The following PTPN6 variants were observed in gnomAD, a reference collection of about 807,000 sequenced individuals.
The protein encoded by PTPN6 is tyrosine-protein phosphatase non-receptor type 6.
A neutral mutation model predicts 81.5 loss-of-function variants in PTPN6; 18 were observed. The observed-to-expected ratio is 0.22, with a 90% CI of 0.15 to 0.33. The LOEUF is 0.33. Among genes scored for constraint, PTPN6 ranks in the 10% least tolerant of loss-of-function variants. The pLI is 1.00. For missense variants in PTPN6, 500 were observed against 794.2 expected (o/e 0.63, Z 4.45); for synonymous variants, 301 against 310.9 (o/e 0.97, Z 0.33).
Position 6,955,114 on chromosome 12 carries a change from T to A in PTPN6, c.517-37T>A. ...AGGCTGGGGACCCAGGGAGGGAGAC[T>A]CAAGTCCTGTGAATGGCCTAATTTG... On this transcript the variant is annotated intron_variant, in intron 4 of 15. Transcript: ENST00000318974. The surrounding 1 kb of genome is among the most constrained non-coding windows in gnomAD (Gnocchi z 7.2). 1 of 1,611,294 alleles carries A rather than the reference T, an allele frequency of 6.2e-7. No individual in the cohort carries two copies. The highest frequency in any genetic ancestry group is 8.5e-7 in the Non-Finnish European group (1 of 1,177,466).
Position 6,951,601 on chromosome 12 carries a change from C to A in PTPN6, c.9-8C>A. ...ACCCCTCCTCACTGCCCTGCCTGGG[C>A]CGCCCAGGTGGTTTCACCGAGACCT... On this transcript the variant is annotated splice_region_variant and splice_polypyrimidine_tract_variant and intron_variant, in intron 1 of 15. Transcript: ENST00000318974. The surrounding 1 kb of genome is among the most constrained non-coding windows in gnomAD (Gnocchi z 7.2). 1.2e-6 allele frequency: 2 copies of A among 1,613,994 alleles called. No individual in the cohort carries two copies. Among genetic ancestry groups the A allele is most frequent in the Admixed American group, 3.3e-5 (2 of 60,020 alleles).
In PTPN6 at chr12:6,956,396, C is replaced by T. The variant is rs782161089; in HGVS notation, c.925-23C>T. 8.1e-6 allele frequency: 13 copies of T among 1,614,114 alleles called. No individual in the cohort carries two copies. The highest frequency in any genetic ancestry group is 5.3e-5 in the African/African-American group (4 of 75,058). ...CCAAGGGGCTCACTGTCTTGGGGTG[C>T]GTCTCTCCACGCTTGCGTCCAGAAC... On this transcript the variant is annotated intron_variant, in intron 8 of 15. Coordinates refer to ENST00000318974, the MANE Select transcript of PTPN6 (RefSeq NM_002831.6). The surrounding 1 kb of genome is among the most constrained non-coding windows in gnomAD (Gnocchi z 4.1).
rs1248646737 is a variant in PTPN6 at position 6,955,139 on chromosome 12, G to T, written c.517-12G>T. On this transcript the variant is annotated splice_polypyrimidine_tract_variant and intron_variant, in intron 4 of 15. Coordinates refer to ENST00000318974, the MANE Select transcript of PTPN6 (RefSeq NM_002831.6). This position sits in a 1 kb window ranked among gnomAD's most constrained non-coding sequence, Gnocchi z 7.2. ...TCAAGTCCTGTGAATGGCCTAATTTGGCTCCCCCCAGGGTGGACGCTACAC... is the reference window on the plus strand; with the variant it reads ...TCAAGTCCTGTGAATGGCCTAATTTTGCTCCCCCCAGGGTGGACGCTACAC... 1 of 1,613,756 alleles carries T rather than the reference G, an allele frequency of 6.2e-7. No individual in the cohort carries two copies. Among genetic ancestry groups the T allele is most frequent in the Non-Finnish European group, 8.5e-7 (1 of 1,179,626 alleles).
At chr12:6,950,619 A>T (rs1945907930), upstream of PTPN6, among the ~76,000 whole-genome samples, 1 of 152,120 alleles carries the variant, frequency 6.6e-6, no homozygotes, top group South Asian at 2.1e-4. Flanking sequence ...GACAAACTGC[A>T]TATGTTGGTT....
At position 6,957,629 on chromosome 12, in the gene PTPN6, T is replaced by TCCCC; in HGVS notation, c.1075-24_1075-21dup. ...CCACAGTGCCCTGCTCTGTGCCTCA[T>TCCCC]CCCCACCCGACCCTCCCTTTCCAGA... On this transcript the variant is annotated intron_variant, in intron 9 of 15. Coordinates refer to ENST00000318974, the MANE Select transcript of PTPN6 (RefSeq NM_002831.6). This position sits in a 1 kb window ranked among gnomAD's most constrained non-coding sequence, Gnocchi z 6.5. 13 of 1,521,462 alleles carry TCCCC rather than the reference T, an allele frequency of 8.5e-6. No homozygotes were observed. Among genetic ancestry groups the TCCCC allele is most frequent in the Non-Finnish European group, 1.2e-5 (13 of 1,105,634 alleles). 94.2% of individuals were successfully genotyped at this position (1,521,462 alleles called of 1,614,324 possible).
At position 6,957,471 on chromosome 12, in the gene PTPN6, C is replaced by T. The variant is rs1325256464; in HGVS notation, c.1075-183C>T. ...TGTACCGGTGAAGTGGCTGGCCAGGCCTCACCACCTGTTGGTGGTTGATCT... is the reference window on the plus strand; with the variant it reads ...TGTACCGGTGAAGTGGCTGGCCAGGTCTCACCACCTGTTGGTGGTTGATCT... On this transcript the variant is annotated intron_variant, in intron 9 of 15. Coordinates refer to ENST00000318974, the MANE Select transcript of PTPN6 (RefSeq NM_002831.6). The surrounding 1 kb of genome is among the most constrained non-coding windows in gnomAD (Gnocchi z 6.5). Among the ~76,000 whole-genome samples, 1 of 152,334 alleles carries T rather than the reference C, an allele frequency of 6.6e-6. No homozygotes were observed. The highest frequency in any genetic ancestry group is 1.5e-5 in the Non-Finnish European group (1 of 68,020).
chr12:6,947,708 T>G (rs918046421), upstream of PTPN6, among the ~76,000 whole-genome samples: 15 of 150,676 alleles, frequency 1.0e-4, no homozygotes, highest in Admixed American at 5.3e-4. Context: ...CAGCTTCATA[T>G]GCTAGCAAGT....
Position 6,952,310 on chromosome 12 carries a change from G to A in PTPN6, c.326+133G>A, listed in dbSNP as rs948611161. Reference sequence around the variant, plus strand: ...CCCTCCCCTCCCTGCACCAGCTGGGGCTCTCAATGTCCCTCCTCCCTGCTG... The same window carrying A: ...CCCTCCCCTCCCTGCACCAGCTGGGACTCTCAATGTCCCTCCTCCCTGCTG... On this transcript the variant is annotated intron_variant, in intron 3 of 15. Transcript: ENST00000318974. This position sits in a 1 kb window ranked among gnomAD's most constrained non-coding sequence, Gnocchi z 8.1. 4 of 1,026,286 alleles carry A rather than the reference G, an allele frequency of 3.9e-6. No homozygotes were observed. Among genetic ancestry groups the A allele is most frequent in the Non-Finnish European group, 5.9e-6 (4 of 680,518 alleles). The allele number at this position is 1,026,286 out of a possible 1,614,324, so 63.6% of individuals were successfully genotyped here. A position where few individuals can be genotyped will look rare whatever the true frequency, so the allele number is the denominator to read the frequency against.
chr12:6,950,319 T>C (rs148099670), upstream of PTPN6, among the ~76,000 whole-genome samples: 289 of 152,166 alleles, frequency 1.9e-3, 4 homozygotes, highest in East Asian at 0.041. Context: ...GTGTTTCTTA[T>C]GTATCCCCTG....
chr12:6,952,712 G>T lies in PTPN6; in HGVS notation c.326+535G>T. On this transcript the variant is annotated intron_variant, in intron 3 of 15. Transcript: ENST00000318974. This position sits in a 1 kb window ranked among gnomAD's most constrained non-coding sequence, Gnocchi z 8.1. The stretch of plus-strand genomic sequence containing the variant: ...CAAATAGGTCTCCGGCCCAAACAGA[G>T]ATCATTGAGAGCACGATGTGAAGTG... 1 of 196,466 alleles carries T rather than the reference G, an allele frequency of 5.1e-6. No homozygotes were observed. The allele number at this position is 196,466 out of a possible 1,614,324, so 12.2% of individuals were successfully genotyped here.
At chr12:6,958,660 C>G (rs112530808) in intron 11 of PTPN6, among the ~76,000 whole-genome samples, 1 of 152,138 alleles carries the variant, frequency 6.6e-6, no homozygotes, top group Admixed American at 6.5e-5. Flanking sequence ...TCTATCTACC[C>G]GCATGTTTGT....
chr12:6,959,250 C>T lies in PTPN6; in HGVS notation c.1362-677C>T, dbSNP rs2138281452. 1 of 158,078 alleles carries T rather than the reference C, an allele frequency of 6.3e-6. No homozygotes were observed. The highest frequency in any genetic ancestry group is 1.7e-4 in the South Asian group (1 of 5,972). The allele number at this position is 158,078 out of a possible 1,614,324, so 9.8% of individuals were successfully genotyped here. ...ACACACTTCTTGAAAGCCCCATGGC[C>T]TTTATTTAGACGTTACAGGAAGGAA... On this transcript the variant is annotated intron_variant, in intron 11 of 15. Transcript: ENST00000318974. The surrounding 1 kb of genome is among the most constrained non-coding windows in gnomAD (Gnocchi z 6.6).
Position 6,955,697 on chromosome 12 carries a change from G to A in PTPN6, c.785G>A (p.Arg262His), listed in dbSNP as rs761631984. ...QKQEVKNLHQ[R>H]LEGQRPENKG... ...CAGGAGGTGAAGAACTTGCACCAGC[G>A]TCTGGAAGGGCAGCGGCCAGAGAAC... The change falls in exon 7 of 16, where the codon CGT becomes CAT. Residue 262 changes from arginine to histidine, a missense_variant. Physicochemically the swap from Arg to His is conservative, Grantham distance 29. Around this residue, in one of 6 missense-constraint regions of PTPN6, gnomAD observed 96 missense variants for 137.3 expected, o/e 0.70. Transcript: ENST00000318974. This position sits in a 1 kb window ranked among gnomAD's most constrained non-coding sequence, Gnocchi z 7.2. 1 of 1,613,962 alleles carries A rather than the reference G, an allele frequency of 6.2e-7. No homozygotes were observed. The highest frequency in any genetic ancestry group is 8.5e-7 in the Non-Finnish European group (1 of 1,180,004).
chr12:6,960,061 C>A lies in PTPN6; in HGVS notation c.1430-27C>A, dbSNP rs372692698. On this transcript the variant is annotated intron_variant, in intron 12 of 15. Coordinates refer to ENST00000318974, the MANE Select transcript of PTPN6 (RefSeq NM_002831.6). The surrounding 1 kb of genome is among the most constrained non-coding windows in gnomAD (Gnocchi z 6.1). ...CCCTCGGTGTCCGCCTATGCCTGGACCTGAGGTTTGACTGCCCCCCACCCA... is the reference window on the plus strand; with the variant it reads ...CCCTCGGTGTCCGCCTATGCCTGGAACTGAGGTTTGACTGCCCCCCACCCA... 1 of 1,613,320 alleles carries A rather than the reference C, an allele frequency of 6.2e-7. No individual in the cohort carries two copies.
rs1491091953 is a variant in PTPN6, at chr12:6,960,260, G to GGGT, written c.1581+23_1581+24insTGG. 5 of 471,342 alleles carry GGGT rather than the reference G, an allele frequency of 1.1e-5. No homozygotes were observed. In the East Asian group the frequency reaches 2.2e-4, roughly 21 times the overall value. The allele number at this position is 471,342 out of a possible 1,614,324, so 29.2% of individuals were successfully genotyped here. The stretch of plus-strand genomic sequence containing the variant: ...TGCAGGTGCGTGCAGAGCAGGGCCT[G>GGGT]GGGGGGGGGGGGGCTGCAGTGCAGG... On this transcript the variant is annotated intron_variant, in intron 13 of 15. Coordinates refer to ENST00000318974, the MANE Select transcript of PTPN6 (RefSeq NM_002831.6). This position sits in a 1 kb window ranked among gnomAD's most constrained non-coding sequence, Gnocchi z 6.1.
rs781866962 is a variant in PTPN6 at position 6,960,900 on chromosome 12, G to A, written c.1768G>A (p.Gly590Ser). The change falls in exon 15 of 16, where the codon GGT becomes AGT. Residue 590 changes from glycine to serine, a missense_variant. Around this residue, in one of 6 missense-constraint regions of PTPN6, gnomAD observed 56 missense variants for 56.4 expected, o/e 0.99. Coordinates refer to ENST00000318974, the MANE Select transcript of PTPN6 (RefSeq NM_002831.6). This position sits in a 1 kb window ranked among gnomAD's most constrained non-coding sequence, Gnocchi z 6.1. ...GTCAGCAGACAAGGAGAAGAGCAAG[G>A]GTTCCCTCAAGAGGAAGTGAGCGGT... The part of the protein sequence containing the change: ...QRSADKEKSK[G>S]SLKRK The A allele has an allele frequency of 1.3e-6, 2 of 1,573,246 alleles. No homozygotes were observed. Among genetic ancestry groups the A allele is most frequent in the African/African-American group, 2.7e-5 (2 of 73,956 alleles).
At position 6,955,186 on chromosome 12, in the gene PTPN6, C is replaced by T. The variant is rs781932003; in HGVS notation, c.552C>T (p.Phe184=). 20 of 1,614,060 alleles carry T rather than the reference C, an allele frequency of 1.2e-5. No homozygotes were observed. The African/African-American group carries it at 1.5e-4, about 12-fold the overall frequency. Residue 184 remains phenylalanine, a synonymous_variant, in exon 5 of 16, where the codon TTC becomes TTT. Transcript: ENST00000318974. This position sits in a 1 kb window ranked among gnomAD's most constrained non-coding sequence, Gnocchi z 7.2. ...ACACAGTGGGTGGTTTGGAGACCTT[C>T]GACAGCCTCACGGACCTGGTGGAGC... ...GRYTVGGLET[F]DSLTDLVEHF...
At position 6,955,537 on chromosome 12, in the gene PTPN6, C is replaced by T; in HGVS notation, c.747+52C>T. 1.3e-6 allele frequency: 2 copies of T among 1,596,110 alleles called. No individual in the cohort carries two copies. The highest frequency in any genetic ancestry group is 1.7e-6 in the Non-Finnish European group (2 of 1,164,624). Reference sequence around the variant, plus strand: ...GGGCAGCTGAGGTGGTGGCAGCGGCCTGGGGCCCCAGGCGGACACCTTCCC... The same window carrying T: ...GGGCAGCTGAGGTGGTGGCAGCGGCTTGGGGCCCCAGGCGGACACCTTCCC... On this transcript the variant is annotated intron_variant, in intron 6 of 15. Coordinates refer to ENST00000318974, the MANE Select transcript of PTPN6 (RefSeq NM_002831.6). This position sits in a 1 kb window ranked among gnomAD's most constrained non-coding sequence, Gnocchi z 7.2.
Position 6,956,069 on chromosome 12 carries a change from G to T in PTPN6, c.845-73G>T, listed in dbSNP as rs369054873. On this transcript the variant is annotated intron_variant, in intron 7 of 15. Coordinates refer to ENST00000318974, the MANE Select transcript of PTPN6 (RefSeq NM_002831.6). The surrounding 1 kb of genome is among the most constrained non-coding windows in gnomAD (Gnocchi z 4.1). The stretch of plus-strand genomic sequence containing the variant: ...GAGACCAGAATGGCCTGTTAGCTCA[G>T]GAGGGTCTGACCCAGGTGTGGTGAG... The T allele has an allele frequency of 2.7e-6, 4 of 1,483,290 alleles. No individual in the cohort carries two copies. In the East Asian group the frequency reaches 6.8e-5, roughly 25 times the overall value. 91.9% of individuals were successfully genotyped at this position (1,483,290 alleles called of 1,614,324 possible).
Sources: allele counts gnomAD v4.1 joint callset (sites outside exome capture counted in the v4.1 genomes callset), GRCh38; gene constraint gnomAD v4.1.1; regional missense constraint gnomAD v4.1.1; non-coding constraint Gnocchi (gnomAD v3.1); transcripts MANE v1.5; gene names NCBI Gene and HGNC (gene_info 2026-07-23, HGNC 2026-07-21).